GOLGA2: variants seen among roughly 807,000 people sequenced by gnomAD.
GOLGA2 encodes golgin subfamily A member 2.
GOLGA2 carries 49 observed loss-of-function variants against 148.8 expected under a neutral mutation model. The ratio of observed to expected loss-of-function variants is 0.33; its 90% CI spans 0.26 to 0.42. The LOEUF is 0.42. GOLGA2 is among the 10% of genes least tolerant of loss of function. GOLGA2 has a pLI of 1.00. For synonymous variants in GOLGA2, 501 were observed against 511.8 expected, an observed-to-expected ratio of 0.98 and a Z score of 0.28; for missense variants, 1,178 against 1,304.6, an observed-to-expected ratio of 0.90 and a Z score of 1.49.
chr9:128,264,839 G>T (rs143324738), intron 12 of GOLGA2, among the ~76,000 whole-genome samples: 50 of 152,256 alleles, frequency 3.3e-4, no homozygotes, highest in Non-Finnish European at 6.3e-4. Flanking sequence ...GCTTCACCAG[G>T]CACCATGCTA....
At chr9:128,275,596 C>A in intron 1 of GOLGA2, 2 of 970,782 alleles carry the variant, frequency 2.1e-6, no homozygotes, top group Non-Finnish European at 2.8e-6. Context: ...TCCTTGGAGA[C>A]GCCAGCCCAA....
intron 2 of GOLGA2, chr9:128,273,577 C>A: frequency 8.0e-6 from 4 of 497,922 alleles, no homozygotes; most frequent in Non-Finnish European, 1.1e-5. Flanking sequence ...TTTAGGACAG[C>A]AGGCCCTGTA....
rs776316431 is a variant in GOLGA2, at chr9:128,265,667, C to T, written c.851G>A (p.Arg284His). The T allele has an allele frequency of 2.5e-6, 4 of 1,613,690 alleles. No individual in the cohort carries two copies. Among genetic ancestry groups the T allele is most frequent in the African/African-American group, 2.7e-5 (2 of 74,932 alleles). ...CACACGCCGCCGGGAATACTGCAGGCGGCTGGCCAGATCTTCAGACTCTCC... is the reference window on the plus strand; with the variant it reads ...CACACGCCGCCGGGAATACTGCAGGTGGCTGGCCAGATCTTCAGACTCTCC... Reference protein sequence around the residue: ...KEGESEDLASRLQYSRRRVGE... With the variant: ...KEGESEDLASHLQYSRRRVGE... Residue 284 changes from arginine to histidine, a missense_variant, in exon 12 of 27, where the codon CGC becomes CAC. Physicochemically the swap from Arg to His is conservative, Grantham distance 29 (BLOSUM62 0). Coordinates refer to ENST00000611957, the MANE Select transcript of GOLGA2 (RefSeq NM_001366244.2).
Position 128,257,316 on chromosome 9 carries a change from C to T in GOLGA2, c.2876-35G>A, listed in dbSNP as rs773079158. The T allele has an allele frequency of 9.9e-6, 16 of 1,611,420 alleles. No individual in the cohort carries two copies. Among genetic ancestry groups the T allele is most frequent in the African/African-American group, 4.0e-5 (3 of 74,862 alleles). On this transcript the variant is annotated intron_variant, in intron 26 of 26. Transcript: ENST00000611957. This position sits in a 1 kb window ranked among gnomAD's most constrained non-coding sequence, Gnocchi z 8.0. Reference sequence around the variant, plus strand: ...GAGAGAGGCAGGGCTCTGAGTGCCACGCGAGCCCTCCCTTACTCCTGCCTG... The same window carrying T: ...GAGAGAGGCAGGGCTCTGAGTGCCATGCGAGCCCTCCCTTACTCCTGCCTG...
chr9:128,264,926 G>A (rs758163290), intron 12 of GOLGA2, among the ~76,000 whole-genome samples: 5 of 152,140 alleles, frequency 3.3e-5, no homozygotes, highest in East Asian at 3.8e-4. Flanking sequence ...TGGACAACAC[G>A]GAATATTAGA....
Position 128,261,333 on chromosome 9 carries a change from C to A in GOLGA2, c.1333-74G>T. On this transcript the variant is annotated intron_variant, in intron 16 of 26. Transcript: ENST00000611957. The surrounding 1 kb of genome is among the most constrained non-coding windows in gnomAD (Gnocchi z 5.7). ...GACAGGCTACCATCTCCCTCTGCCC[C>A]CACCGCCACAAAGCCCAGACCCATG... The A allele has an allele frequency of 7.6e-7, 1 of 1,322,958 alleles. No individual in the cohort carries two copies. Among genetic ancestry groups the A allele is most frequent in the Non-Finnish European group, 1.1e-6 (1 of 915,600 alleles). 82.0% of individuals were successfully genotyped at this position (1,322,958 alleles called of 1,614,324 possible). A position where few individuals can be genotyped will look rare whatever the true frequency, so the allele number is the denominator to read the frequency against.
intron 3 of GOLGA2, among the ~76,000 whole-genome samples, chr9:128,269,832 C>T (rs1830824800): frequency 6.6e-6 from 1 of 152,196 alleles, no homozygotes; most frequent in African/African-American, 2.4e-5. Context: ...TTCTGAAAAC[C>T]CAAATCTGCT....
Position 128,257,735 on chromosome 9 carries a change from G to A in GOLGA2, c.2612-28C>T. 6.2e-7 allele frequency: 1 copy of A among 1,610,340 alleles called. No homozygotes were observed. The highest frequency in any genetic ancestry group is 8.5e-7 in the Non-Finnish European group (1 of 1,176,618). On this transcript the variant is annotated intron_variant, in intron 24 of 26. Coordinates refer to ENST00000611957, the MANE Select transcript of GOLGA2 (RefSeq NM_001366244.2). The surrounding 1 kb of genome is among the most constrained non-coding windows in gnomAD (Gnocchi z 8.0). The stretch of plus-strand genomic sequence containing the variant: ...GCGGGAGGACAGGGCTCAGATGCTG[G>A]GTTCCCTCCGACCGCTGTGCAGCTC...
rs551465419 is a variant in GOLGA2, at chr9:128,257,744, C to T, written c.2612-37G>A. The T allele has an allele frequency of 1.5e-5, 24 of 1,609,896 alleles. No homozygotes were observed. Among genetic ancestry groups the T allele is most frequent in the South Asian group, 6.6e-5 (6 of 90,984 alleles). The stretch of plus-strand genomic sequence containing the variant: ...CAGGGCTCAGATGCTGGGTTCCCTC[C>T]GACCGCTGTGCAGCTCCTCCTGCCG... On this transcript the variant is annotated intron_variant, in intron 24 of 26. Coordinates refer to ENST00000611957, the MANE Select transcript of GOLGA2 (RefSeq NM_001366244.2). The surrounding 1 kb of genome is among the most constrained non-coding windows in gnomAD (Gnocchi z 8.0).
Position 128,261,215 on chromosome 9 carries a change from T to A in GOLGA2, c.1377A>T (p.Val459=). The change falls in exon 17 of 27, where the codon GTA becomes GTT. Residue 459 remains valine (V), a synonymous_variant. Transcript: ENST00000611957. The surrounding 1 kb of genome is among the most constrained non-coding windows in gnomAD (Gnocchi z 5.7). ...CAGCCAAGCTCGTCTCCAGCTCCTGTACCCGACTCATGCTACATTCCTTCT... is the reference window on the plus strand; with the variant it reads ...CAGCCAAGCTCGTCTCCAGCTCCTGAACCCGACTCATGCTACATTCCTTCT... ...REEKECSMSR[V]QELETSLAEL... 1 of 1,613,968 alleles carries A rather than the reference T, an allele frequency of 6.2e-7. No homozygotes were observed. The highest frequency in any genetic ancestry group is 2.2e-5 in the East Asian group (1 of 44,882).
intron 1 of GOLGA2, among the ~76,000 whole-genome samples, chr9:128,275,119 A>T (rs1831230003): frequency 6.6e-6 from 1 of 152,202 alleles, no homozygotes; most frequent in South Asian, 2.1e-4. Flanking sequence ...CAATGTTTTC[A>T]GTTCACGGGT....
chr9:128,268,481 G>T lies in GOLGA2; in HGVS notation c.332C>A (p.Thr111Asn). 2 of 1,612,306 alleles carry T rather than the reference G, an allele frequency of 1.2e-6. No individual in the cohort carries two copies. Among genetic ancestry groups the T allele is most frequent in the Non-Finnish European group, 1.7e-6 (2 of 1,179,008 alleles). Residue 111 changes from threonine (T) to asparagine (N), a missense_variant, in exon 4 of 27, where the codon ACC becomes AAC. This residue lies in a region of GOLGA2 where 158 missense variants were observed against 156.6 expected (regional missense o/e 1.01). Coordinates refer to ENST00000611957, the MANE Select transcript of GOLGA2 (RefSeq NM_001366244.2). ...GGAAGGGACACCGCCAGGTAACACGGTGTCATCAGATGGTTGTAGAGTAGC... is the reference window on the plus strand; with the variant it reads ...GGAAGGGACACCGCCAGGTAACACGTTGTCATCAGATGGTTGTAGAGTAGC... ...NAATLQPSDD[T>N]VLPGGVPSPG...
intron 1 of GOLGA2, chr9:128,275,428 G>A (rs2131402653): frequency 7.7e-7 from 1 of 1,298,620 alleles, no homozygotes; most frequent in East Asian, 3.1e-5. Context: ...GGACCGCAGG[G>A]CCAGGACCCA....
intron 8 of GOLGA2, 176 bp downstream of exon 8, chr9:128,267,018 G>A: frequency 1.6e-6 from 1 of 645,066 alleles, no homozygotes; most frequent in Non-Finnish European, 2.8e-6. Flanking sequence ...GGCAGCAACA[G>A]AAGAGCCATG....
Position 128,260,598 on chromosome 9 carries a change from C to T in GOLGA2, c.1625G>A (p.Gly542Glu), listed in dbSNP as rs1830204122. The T allele has an allele frequency of 8.1e-6, 13 of 1,611,396 alleles. No individual in the cohort carries two copies. The highest frequency in any genetic ancestry group is 1.1e-5 in the South Asian group (1 of 91,082). Residue 542 changes from glycine (G) to glutamate (E), a missense_variant, in exon 18 of 27, where the codon GGG becomes GAG. Physicochemically the swap from Gly to Glu is moderately conservative, Grantham distance 98 (BLOSUM62 -2). Around this residue, in one of 5 missense-constraint regions of GOLGA2, gnomAD observed 529 missense variants for 521.8 expected, o/e 1.01. Coordinates refer to ENST00000611957, the MANE Select transcript of GOLGA2 (RefSeq NM_001366244.2). This position sits in a 1 kb window ranked among gnomAD's most constrained non-coding sequence, Gnocchi z 4.8. ...LELERAAELW[G>E]EQAEARRQIL... Reference sequence around the variant, plus strand: ...TTGCCTGCGCGCCTCCGCCTGCTCCCCCCAGAGCTCGGCCGCCCGCTCCAG... The same window carrying T: ...TTGCCTGCGCGCCTCCGCCTGCTCCTCCCAGAGCTCGGCCGCCCGCTCCAG...
intron 1 of GOLGA2, chr9:128,275,355 A>G (rs1831254417): frequency 4.8e-6 from 6 of 1,243,018 alleles, no homozygotes; most frequent in Non-Finnish European, 5.2e-6. Flanking sequence ...TGACGTCACT[A>G]CATTCCACTC....
rs768583910 is a variant in GOLGA2 at position 128,262,566 on chromosome 9, T to C, written c.1131A>G (p.Gln377=). 1 of 1,613,960 alleles carries C rather than the reference T, an allele frequency of 6.2e-7. No individual in the cohort carries two copies. Among genetic ancestry groups the C allele is most frequent in the Admixed American group, 1.7e-5 (1 of 60,008 alleles). The change falls in exon 14 of 27, where the codon CAA becomes CAG. Residue 377 remains glutamine, a synonymous_variant. Coordinates refer to ENST00000611957, the MANE Select transcript of GOLGA2 (RefSeq NM_001366244.2). ...CCATGGGGCTGCAGCCTCTTGCCTGTTGAAGCAGGAGTTCCGTCATCTCTA... is the reference window on the plus strand; with the variant it reads ...CCATGGGGCTGCAGCCTCTTGCCTGCTGAAGCAGGAGTTCCGTCATCTCTA... ...KKLEMTELLL[Q]QFSSRCEAPD...
Position 128,260,874 on chromosome 9 carries a change from T to G in GOLGA2, c.1421-72A>C. ...CCCTCCTCTTGGTCCATACCTCCTC[T>G]CAAGCTCCCCAAACTTGGCCTCCCT... On this transcript the variant is annotated intron_variant, in intron 17 of 26. Coordinates refer to ENST00000611957, the MANE Select transcript of GOLGA2 (RefSeq NM_001366244.2). The surrounding 1 kb of genome is among the most constrained non-coding windows in gnomAD (Gnocchi z 4.8). 8 of 1,080,836 alleles carry G rather than the reference T, an allele frequency of 7.4e-6. No individual in the cohort carries two copies. The highest frequency in any genetic ancestry group is 1.3e-6 in the Non-Finnish European group (1 of 756,518). The allele number at this position is 1,080,836 out of a possible 1,614,324, so 67.0% of individuals were successfully genotyped here.
intron 1 of GOLGA2, chr9:128,275,342 T>C: frequency 7.8e-6 from 9 of 1,160,762 alleles, no homozygotes; most frequent in Non-Finnish European, 9.0e-6. Flanking sequence ...CCGAGGGGGA[T>C]TGTGACGTCA....
Sources: allele counts gnomAD v4.1 joint callset (sites outside exome capture counted in the v4.1 genomes callset), GRCh38; gene constraint gnomAD v4.1.1; regional missense constraint gnomAD v4.1.1; non-coding constraint Gnocchi (gnomAD v3.1); transcripts MANE v1.5; gene names NCBI Gene and HGNC (gene_info 2026-07-23, HGNC 2026-07-21).